GLRX5: variants seen among roughly 807,000 people sequenced by gnomAD.
GLRX5 encodes the protein glutaredoxin-related protein 5, mitochondrial.
In GLRX5, 10 loss-of-function variants were observed where a neutral mutation model predicts 13.8. The ratio of observed to expected loss-of-function variants is 0.72; its 90% CI spans 0.45 to 1.23. GLRX5 has a LOEUF of 1.23. Ranked by LOEUF, GLRX5 falls within the 50% of genes most tolerant of loss-of-function variation. GLRX5 has a pLI of 0.00. For missense variants in GLRX5, 233 were observed against 215.2 expected (o/e 1.08, Z -0.52); for synonymous variants, 98 against 101.1 (o/e 0.97, Z 0.18).
chr14:95,544,149 A>G lies in GLRX5; in HGVS notation c.*24A>G, dbSNP rs373992585. 1.9e-6 allele frequency: 3 copies of G among 1,605,776 alleles called. No individual in the cohort carries two copies. The highest frequency in any genetic ancestry group is 2.7e-5 in the African/African-American group (2 of 74,736). ...GAGGGCGGCCAAGTCCTCGCTGAGC[A>G]GAGAGGGAGCCGTTCATGTCAGAGA... On this transcript the variant is annotated 3_prime_UTR_variant, in exon 2 of 2. Transcript: ENST00000331334.
At chr14:95,540,900 C>A (rs985821285) in intron 1 of GLRX5, among the ~76,000 whole-genome samples, 1 of 152,134 alleles carries the variant, frequency 6.6e-6, no homozygotes, top group African/African-American at 2.4e-5. Flanking sequence ...TTTAAAGTAT[C>A]ATTTCTGTAC....
intron 1 of GLRX5, among the ~76,000 whole-genome samples, chr14:95,538,250 A>G (rs1891414614): frequency 6.6e-6 from 1 of 152,250 alleles, no homozygotes; most frequent in Non-Finnish European, 1.5e-5. Context: ...ATAAATAAAT[A>G]AATACTGCTT....
intron 1 of GLRX5, among the ~76,000 whole-genome samples, chr14:95,539,402 G>A (rs1475786937): frequency 6.6e-6 from 1 of 152,198 alleles, no homozygotes; most frequent in African/African-American, 2.4e-5. Context: ...CTAAACTGTA[G>A]TTAAAATGAA....
At position 95,535,332 on chromosome 14, in the gene GLRX5, C is replaced by T. The variant is rs751994750; in HGVS notation, c.243C>T (p.Gly81=). The change falls in exon 1 of 2, where the codon GGC becomes GGT. Residue 81 remains glycine, a synonymous_variant. Transcript: ENST00000331334. The stretch of plus-strand genomic sequence containing the variant: ...TGGTGCAGATCCTGCGGCTGCACGG[C>T]GTCCGCGATTACGCGGCCTACAACG... ...NAVVQILRLH[G]VRDYAAYNVL... 3.2e-6 allele frequency: 5 copies of T among 1,554,208 alleles called. No homozygotes were observed. Among genetic ancestry groups the T allele is most frequent in the Non-Finnish European group, 4.4e-6 (5 of 1,149,244 alleles).
intron 1 of GLRX5, among the ~76,000 whole-genome samples, chr14:95,541,509 A>C (rs536872670): frequency 6.6e-6 from 1 of 152,344 alleles, no homozygotes; most frequent in African/African-American, 2.4e-5. Flanking sequence ...AGCTAAGTTT[A>C]ATTTTGATAA....
intron 1 of GLRX5, among the ~76,000 whole-genome samples, chr14:95,537,412 A>C (rs908890296): frequency 4.3e-4 from 65 of 152,364 alleles, no homozygotes; most frequent in African/African-American, 1.5e-3. Context: ...TGGTTAATAA[A>C]CGCGTTGCAT....
chr14:95,543,410 C>T (rs1256497819), intron 1 of GLRX5: 3 of 331,450 alleles, frequency 9.1e-6, no homozygotes, highest in Non-Finnish European at 1.8e-5. Flanking sequence ...CCAACTTAGA[C>T]AGTCACAGTC....
rs1195991457 is a variant in GLRX5, at chr14:95,544,204, G to C, written c.*79G>C. Reference sequence around the variant, plus strand: ...CTGCCAGAAAAGCCTTACCCATTTTGGTTTTCACTATTGAGACCGCAACTG... The same window carrying C: ...CTGCCAGAAAAGCCTTACCCATTTTCGTTTTCACTATTGAGACCGCAACTG... On this transcript the variant is annotated 3_prime_UTR_variant, in exon 2 of 2. Transcript: ENST00000331334. 4.6e-6 allele frequency: 6 copies of C among 1,303,016 alleles called. No homozygotes were observed. The African/African-American group carries it at 8.8e-5, about 19-fold the overall frequency. The allele number at this position is 1,303,016 out of a possible 1,614,324, so 80.7% of individuals were successfully genotyped here.
At chr14:95,536,861 G>A (rs35362007) in intron 1 of GLRX5, among the ~76,000 whole-genome samples, 41,027 of 151,982 alleles carry the variant, frequency 0.27, 5,685 homozygotes, top group South Asian at 0.32. Context: ...GTTGAGTTGA[G>A]GAGTCGAGAG....
In GLRX5 at chr14:95,535,260, C is replaced by T. The variant is rs746028473; in HGVS notation, c.171C>T (p.Phe57=). Residue 57 remains phenylalanine (F), a synonymous_variant, in exon 1 of 2, where the codon TTC becomes TTT. Transcript: ENST00000331334. ...ALVKKDKVVV[F]LKGTPEQPQC... Reference sequence around the variant, plus strand: ...TGAAGAAGGACAAGGTGGTGGTCTTCCTCAAGGGGACGCCGGAGCAGCCCC... The same window carrying T: ...TGAAGAAGGACAAGGTGGTGGTCTTTCTCAAGGGGACGCCGGAGCAGCCCC... 1.3e-5 allele frequency: 21 copies of T among 1,571,716 alleles called. No homozygotes were observed. The highest frequency in any genetic ancestry group is 2.3e-5 in the South Asian group (2 of 85,622).
Position 95,535,165 on chromosome 14 carries a change from G to A in GLRX5, c.76G>A (p.Gly26Ser). The A allele has an allele frequency of 7.0e-7, 1 of 1,430,048 alleles. No homozygotes were observed. The highest frequency in any genetic ancestry group is 9.2e-7 in the Non-Finnish European group (1 of 1,085,920). The allele number at this position is 1,430,048 out of a possible 1,614,324, so 88.6% of individuals were successfully genotyped here. ...GRGAGGGGLW[G>S]PGVRAAGSGA... ...CGGCGCGGGCGGCGGTGGCCTTTGGGGTCCGGGCGTGCGGGCGGCGGGCTC... is the reference window on the plus strand; with the variant it reads ...CGGCGCGGGCGGCGGTGGCCTTTGGAGTCCGGGCGTGCGGGCGGCGGGCTC... Residue 26 changes from glycine to serine, a missense_variant, in exon 1 of 2, where the codon GGT becomes AGT. Coordinates refer to ENST00000331334, the MANE Select transcript of GLRX5 (RefSeq NM_016417.3).
intron 1 of GLRX5, among the ~76,000 whole-genome samples, chr14:95,537,393 T>C (rs983174983): frequency 1.1e-4 from 16 of 152,250 alleles, no homozygotes; most frequent in Non-Finnish European, 1.9e-4. Context: ...TTTCATCAGA[T>C]TGCTATTTTG....
chr14:95,544,518 G>T lies in GLRX5; in HGVS notation c.*393G>T. ...AATTTTGTGTAGCTTCTTTTGTTAT[G>T]GAAAATGGTGAACAAAAAAAGAAAC... On this transcript the variant is annotated 3_prime_UTR_variant, in exon 2 of 2. Transcript: ENST00000331334. 9.4e-6 allele frequency: 2 copies of T among 212,552 alleles called. No individual in the cohort carries two copies. Among genetic ancestry groups the T allele is most frequent in the Non-Finnish European group, 1.9e-5 (2 of 104,058 alleles). 13.2% of individuals were successfully genotyped at this position (212,552 alleles called of 1,614,324 possible).
rs1402160440 is a variant in GLRX5, at chr14:95,544,417, T to A, written c.*292T>A. 5.2e-6 allele frequency: 2 copies of A among 388,058 alleles called. No individual in the cohort carries two copies. Among genetic ancestry groups the A allele is most frequent in the Non-Finnish European group, 9.5e-6 (2 of 210,384 alleles). 24.0% of individuals were successfully genotyped at this position (388,058 alleles called of 1,614,324 possible). ...CTTATTCTTTGCCTGATTCAGAAGT[T>A]AAATAGGAGCTTTGGAATCATTATT... is the stretch of plus-strand genomic sequence containing the variant. On this transcript the variant is annotated 3_prime_UTR_variant, in exon 2 of 2. Transcript: ENST00000331334.
At position 95,544,123 on chromosome 14, in the gene GLRX5, T is replaced by G. The variant is rs1891518759; in HGVS notation, c.472T>G (p.Ter158GlyextTer7). 6.2e-7 allele frequency: 1 copy of G among 1,613,428 alleles called. No individual in the cohort carries two copies. The highest frequency in any genetic ancestry group is 8.5e-7 in the Non-Finnish European group (1 of 1,179,634). ...LDEKKDQDSK[*>G] ...TGAAAAGAAAGACCAAGACTCCAAGTGAGGGCGGCCAAGTCCTCGCTGAGC... is the reference window on the plus strand; with the variant it reads ...TGAAAAGAAAGACCAAGACTCCAAGGGAGGGCGGCCAAGTCCTCGCTGAGC... Residue 158 changes from the stop codon to glycine (G), a stop_lost, in exon 2 of 2, where the codon TGA (stop) becomes GGA (glycine). Transcript: ENST00000331334.
At chr14:95,543,134 G>A (rs762370015) in intron 1 of GLRX5, 21 of 455,802 alleles carry the variant, frequency 4.6e-5, no homozygotes, top group South Asian at 1.7e-4. Context: ...AGAGCAGAGC[G>A]GGTCTCACTC....
intron 1 of GLRX5, among the ~76,000 whole-genome samples, chr14:95,542,002 G>A (rs532161108): frequency 2.2e-4 from 33 of 152,276 alleles, no homozygotes; most frequent in Non-Finnish European, 4.4e-5. Flanking sequence ...ATTTAAGAAA[G>A]TTGAAGATAA....
Position 95,544,485 on chromosome 14 carries a change from T to C in GLRX5, c.*360T>C. 1 of 214,554 alleles carries C rather than the reference T, an allele frequency of 4.7e-6. No individual in the cohort carries two copies. The highest frequency in any genetic ancestry group is 8.4e-5 in the South Asian group (1 of 11,840). 13.3% of individuals were successfully genotyped at this position (214,554 alleles called of 1,614,324 possible). A position where few individuals can be genotyped will look rare whatever the true frequency, so the allele number is the denominator to read the frequency against. On this transcript the variant is annotated 3_prime_UTR_variant, in exon 2 of 2. Coordinates refer to ENST00000331334, the MANE Select transcript of GLRX5 (RefSeq NM_016417.3). ...TGTGTCAGTCTCCAAAGAGAGTATC[T>C]CCCCCCAAATTTTGTGTAGCTTCTT...
In GLRX5 at chr14:95,543,619, G is replaced by A. The variant is rs1334206128; in HGVS notation, c.296-328G>A. 5 of 350,656 alleles carry A rather than the reference G, an allele frequency of 1.4e-5. No individual in the cohort carries two copies. The East Asian group carries it at 2.0e-4, about 14-fold the overall frequency. The allele number at this position is 350,656 out of a possible 1,614,324, so 21.7% of individuals were successfully genotyped here. On this transcript the variant is annotated intron_variant, in intron 1 of 1. Transcript: ENST00000331334. The stretch of plus-strand genomic sequence containing the variant: ...GTCCTCTGCCATTAATCTAAGGTCC[G>A]CAATGTATCAGGTATTTTACTGAGA...
Sources: gnomAD v4.1 joint callset for allele counts (sites outside exome capture counted in the v4.1 genomes callset) on GRCh38, gnomAD v4.1.1 for gene constraint, MANE v1.5 for transcripts, NCBI Gene and HGNC (gene_info 2026-07-23, HGNC 2026-07-21) for gene names.